Variants in CNGB1 observed in about 807,000 individuals in gnomAD.
CNGB1 encodes the protein cyclic nucleotide-gated channel beta-1.
CNGB1 carries 126 observed loss-of-function variants against 151.7 expected under a neutral mutation model. That is an observed-to-expected ratio of 0.83 (90% CI 0.72 to 0.96). CNGB1 has a LOEUF of 0.96. CNGB1 is among the 40% of genes least tolerant of loss of function. The probability of loss-of-function intolerance (pLI) is 0.00; values close to 1 mark genes in which losing one functional copy is unlikely to be tolerated. For synonymous variants in CNGB1, 623 were observed against 635.1 expected (o/e 0.98, Z 0.29); for missense variants, 1,698 against 1,627.0 (o/e 1.04, Z -0.75).
Position 57,932,909 on chromosome 16 carries a change from T to C in CNGB1, c.1373-1031A>G, listed in dbSNP as rs114207585. Among the ~76,000 whole-genome samples the C allele has an allele frequency of 8.1e-3, 1,215 of 150,028 alleles. 16 individuals carry two copies. The highest frequency in any genetic ancestry group is 0.05 in the South Asian group (235 of 4,720). ...TCCTCACATTCTTTTTAAAAATTAT[T>C]TTATTTGTTTGCTTTTGAGAAGGGG... On this transcript the variant is annotated intron_variant, in intron 16 of 32. Coordinates refer to ENST00000251102, the MANE Select transcript of CNGB1 (RefSeq NM_001297.5).
At chr16:57,885,009 C>T (rs563512227) in intron 32 of CNGB1, among the ~76,000 whole-genome samples, 2 of 152,320 alleles carry the variant, frequency 1.3e-5, no homozygotes, top group East Asian at 1.9e-4. Flanking sequence ...TATTGGGCTG[C>T]GCTGACCCCA....
chr16:57,939,662 T>G, intron 15 of CNGB1, 70 bp from the exon 16 acceptor site: 1 of 1,597,900 alleles, frequency 6.3e-7, no homozygotes, highest in Non-Finnish European at 8.6e-7. Context: ...CAGCTCCTGT[T>G]AGATCTGCCT....
At chr16:57,967,805 A>G (rs559034958) in intron 1 of CNGB1, among the ~76,000 whole-genome samples, 1 of 152,256 alleles carries the variant, frequency 6.6e-6, no homozygotes, top group East Asian at 1.9e-4. Context: ...TTCTGCAATT[A>G]TATCTCTAGG....
chr16:57,943,355 C>T (rs1961719473), intron 14 of CNGB1, among the ~76,000 whole-genome samples: 1 of 152,106 alleles, frequency 6.6e-6, no homozygotes, highest in Non-Finnish European at 1.5e-5. Context: ...TAACTTCTCA[C>T]CTGTTAGAAT....
chr16:57,950,479 G>A lies in CNGB1; in HGVS notation c.936C>T (p.Pro312=). The change falls in exon 13 of 33, where the codon CCC becomes CCT. Residue 312 remains proline (P), a synonymous_variant. Coordinates refer to ENST00000251102, the MANE Select transcript of CNGB1 (RefSeq NM_001297.5). ...PDLVLEEVEP[P]WEDAHQDVST... ...TGACATCCTGGTGGGCATCCTCCCA[G>A]GGCGGTTCAACCTCCTCTAGGACAA... is the stretch of plus-strand genomic sequence containing the variant. 6.2e-7 allele frequency: 1 copy of A among 1,614,228 alleles called. No individual in the cohort carries two copies. The highest frequency in any genetic ancestry group is 8.5e-7 in the Non-Finnish European group (1 of 1,180,038).
At chr16:57,947,030 C>A (rs1337092890) in intron 14 of CNGB1, among the ~76,000 whole-genome samples, 1 of 152,200 alleles carries the variant, frequency 6.6e-6, no homozygotes, top group Non-Finnish European at 1.5e-5. Context: ...TATGAATGTG[C>A]TGCCTGTGCT....
At chr16:57,922,840 G>T (rs1345039006) in intron 18 of CNGB1, among the ~76,000 whole-genome samples, 1 of 151,694 alleles carries the variant, frequency 6.6e-6, no homozygotes, top group African/African-American at 2.4e-5. Context: ...CTGATCCAGC[G>T]CAGCCAGGTA....
At chr16:57,945,182 G>A (rs750012349) in intron 14 of CNGB1, among the ~76,000 whole-genome samples, 4 of 152,134 alleles carry the variant, frequency 2.6e-5, no homozygotes, top group African/African-American at 4.8e-5. Context: ...CCAAGGCCAC[G>A]TGCTTAATGC....
At chr16:57,951,439 C>A (rs1961946881) in intron 12 of CNGB1, among the ~76,000 whole-genome samples, 1 of 152,178 alleles carries the variant, frequency 6.6e-6, no homozygotes, top group East Asian at 1.9e-4. Context: ...TCAGCCTCGA[C>A]CTCCTGGGCT....
chr16:57,959,824 T>C lies in CNGB1; in HGVS notation c.761+64A>G. The C allele has an allele frequency of 4.2e-6, 6 of 1,420,658 alleles. No individual in the cohort carries two copies. The South Asian group carries it at 8.1e-5, about 19-fold the overall frequency. 88.0% of individuals were successfully genotyped at this position (1,420,658 alleles called of 1,614,324 possible). On this transcript the variant is annotated intron_variant, in intron 10 of 32. Coordinates refer to ENST00000251102, the MANE Select transcript of CNGB1 (RefSeq NM_001297.5). Reference sequence around the variant, plus strand: ...TTCCAGGTTTCCAGGAGGTTGGGTGTTAGGCGGGGACAAGGTGCTCATCCT... The same window carrying C: ...TTCCAGGTTTCCAGGAGGTTGGGTGCTAGGCGGGGACAAGGTGCTCATCCT...
At chr16:57,932,283 A>C (rs190231266) in intron 16 of CNGB1, among the ~76,000 whole-genome samples, 24 of 152,240 alleles carry the variant, frequency 1.6e-4, no homozygotes, top group African/African-American at 5.1e-4. Flanking sequence ...GCACAGCCTG[A>C]GTCAGCTGCT....
At chr16:57,946,416 C>G (rs1267519999) in intron 14 of CNGB1, 1 of 152,438 alleles carries the variant, frequency 6.6e-6, no homozygotes, top group Non-Finnish European at 1.5e-5. Context: ...GTCAGGATGC[C>G]CATGGTGCAG....
At chr16:57,902,317 C>T (rs1960414003) in intron 27 of CNGB1, among the ~76,000 whole-genome samples, 1 of 152,076 alleles carries the variant, frequency 6.6e-6, no homozygotes, top group Non-Finnish European at 1.5e-5. Flanking sequence ...TTGATCCACC[C>T]ACCTGAGCCT....
At chr16:57,940,061 C>G (rs1349972712) in intron 15 of CNGB1, among the ~76,000 whole-genome samples, 173 bp downstream of exon 15, 1 of 152,224 alleles carries the variant, frequency 6.6e-6, no homozygotes, top group South Asian at 2.1e-4. Context: ...GCCTGGGCCG[C>G]TATCTGACCC....
intron 32 of CNGB1, 44 bp from the exon 33 acceptor site, chr16:57,884,501 G>A (rs1390408561): frequency 6.2e-7 from 1 of 1,610,662 alleles, no homozygotes; most frequent in South Asian, 1.1e-5. Context: ...GACTCTCGGA[G>A]GGGTCTTGGA....
Position 57,920,382 on chromosome 16 carries a change from C to T in CNGB1, c.1801+5G>A, listed in dbSNP as rs375550800. On this transcript the variant is annotated splice_donor_5th_base_variant and intron_variant, in intron 19 of 32. Coordinates refer to ENST00000251102, the MANE Select transcript of CNGB1 (RefSeq NM_001297.5). Reference sequence around the variant, plus strand: ...CAGGTAGACCCCCTCCAGCTCCAGACTCACAGGGCTTGGGGCTCTCCTCAT... The same window carrying T: ...CAGGTAGACCCCCTCCAGCTCCAGATTCACAGGGCTTGGGGCTCTCCTCAT... The T allele has an allele frequency of 2.7e-5, 43 of 1,614,030 alleles. No individual in the cohort carries two copies. The highest frequency in any genetic ancestry group is 3.5e-5 in the Non-Finnish European group (41 of 1,180,040).
chr16:57,950,226 C>T (rs1961913237), intron 13 of CNGB1, among the ~76,000 whole-genome samples, 155 bp downstream of exon 13: 1 of 152,200 alleles, frequency 6.6e-6, no homozygotes, highest in Non-Finnish European at 1.5e-5. Flanking sequence ...AACCTGGTAG[C>T]CATTCTACCC....
intron 31 of CNGB1, among the ~76,000 whole-genome samples, chr16:57,895,830 G>A (rs1284889449): frequency 1.3e-5 from 2 of 152,062 alleles, no homozygotes; most frequent in East Asian, 3.8e-4. Flanking sequence ...AAATATGACA[G>A]GGATATCACG....
chr16:57,960,760 G>A, intron 8 of CNGB1, 80 bp downstream of exon 8: 5 of 1,447,908 alleles, frequency 3.5e-6, no homozygotes, highest in Non-Finnish European at 4.8e-6. Flanking sequence ...GGGACAGCCT[G>A]CTGGAGGAGG....
Sources: gnomAD v4.1 joint callset for allele counts (sites outside exome capture counted in the v4.1 genomes callset) on GRCh38, gnomAD v4.1.1 for gene constraint, MANE v1.5 for transcripts, NCBI Gene and HGNC (gene_info 2026-07-23, HGNC 2026-07-21) for gene names.